Variants in AKT2 observed in about 807,000 individuals in gnomAD.
AKT2 encodes the protein RAC-beta serine/threonine-protein kinase.
AKT2 carries 16 observed loss-of-function variants against 58.6 expected under a neutral mutation model. That is an observed-to-expected ratio of 0.27 (90% CI 0.18 to 0.41). The LOEUF (loss-of-function observed/expected upper bound fraction) is 0.41, where lower values mean the gene tolerates loss of function less well. Among genes scored for constraint, AKT2 ranks in the 10% least tolerant of loss-of-function variants. AKT2 has a pLI of 1.00. For synonymous variants in AKT2, 253 were observed against 254.0 expected (o/e 1.00, Z 0.04); for missense variants, 438 against 661.0 (o/e 0.66, Z 3.70).
At chr19:40,277,396 G>A (rs1341331858) in intron 1 of AKT2, among the ~76,000 whole-genome samples, 1 of 152,126 alleles carries the variant, frequency 6.6e-6, no homozygotes, top group Non-Finnish European at 1.5e-5. Flanking sequence ...GCTCTAGGGC[G>A]CCCTGTCTCC....
chr19:40,245,265 A>T (rs1974672860), intron 4 of AKT2, among the ~76,000 whole-genome samples: 1 of 152,176 alleles, frequency 6.6e-6, no homozygotes, highest in African/African-American at 2.4e-5. Flanking sequence ...AGGGATGGGC[A>T]AGGTAGCTCA....
At chr19:40,265,070 C>T (rs1976245635) in intron 2 of AKT2, 152 bp downstream of exon 2, 17 of 1,176,172 alleles carry the variant, frequency 1.4e-5, no homozygotes, top group South Asian at 6.7e-5. Context: ...AAGGAGTCCA[C>T]GAAATGGGGG....
intron 2 of AKT2, among the ~76,000 whole-genome samples, chr19:40,264,270 G>A (rs917974455): frequency 3.3e-5 from 5 of 152,116 alleles, no homozygotes; most frequent in African/African-American, 7.2e-5. Context: ...AGCAGGTGGC[G>A]CTTCTCCCCA....
chr19:40,236,824 G>A, intron 9 of AKT2: 1 of 266,966 alleles, frequency 3.7e-6, no homozygotes, highest in Non-Finnish European at 7.4e-6. Flanking sequence ...ATGAGTTTGA[G>A]ACCAGCCTGG....
chr19:40,269,736 TAGAACAC>T (rs1267051352), intron 1 of AKT2: 1 of 152,166 alleles, frequency 6.6e-6, no homozygotes, highest in Non-Finnish European at 1.5e-5. Flanking sequence ...AGATCCACAG[TAGAACAC>T]TACTCAGCAA....
At chr19:40,258,765 A>G (rs966798541) in intron 2 of AKT2, among the ~76,000 whole-genome samples, 1 of 152,194 alleles carries the variant, frequency 6.6e-6, no homozygotes, top group African/African-American at 2.4e-5. Flanking sequence ...AGAGATCTAC[A>G]TAAATGCAAA....
intron 3 of AKT2, 88 bp from the exon 4 acceptor site, chr19:40,255,357 C>G (rs1036768894): frequency 9.6e-7 from 1 of 1,045,716 alleles, no homozygotes; most frequent in African/African-American, 1.6e-5. Flanking sequence ...CTCCCACAGG[C>G]CTAGCCCCAT....
At chr19:40,246,434 T>C (rs1974757864) in intron 4 of AKT2, among the ~76,000 whole-genome samples, 2 of 152,146 alleles carry the variant, frequency 1.3e-5, no homozygotes, top group Non-Finnish European at 2.9e-5. Context: ...TTCCATGACA[T>C]GCTTTATCAG....
intron 3 of AKT2, among the ~76,000 whole-genome samples, chr19:40,256,330 T>C (rs576108948): frequency 4.6e-5 from 7 of 152,170 alleles, no homozygotes; most frequent in African/African-American, 1.7e-4. Context: ...CTCTGTAATG[T>C]TCTTAGCAGG....
Position 40,232,627 on chromosome 19 carries a change from C to T in AKT2, c.*1245G>A. On this transcript the variant is annotated 3_prime_UTR_variant, in exon 14 of 14. Coordinates refer to ENST00000392038, the MANE Select transcript of AKT2 (RefSeq NM_001626.6). ...CACAGTGGGGCTCCTCCCACTAGGT[C>T]AGCACCCCTCCCCCACAGGATGAAA... 1 of 233,326 alleles carries T rather than the reference C, an allele frequency of 4.3e-6. No homozygotes were observed. The highest frequency in any genetic ancestry group is 8.5e-6 in the Non-Finnish European group (1 of 118,152). 14.5% of individuals were successfully genotyped at this position (233,326 alleles called of 1,614,324 possible).
rs1975939169 is a variant in AKT2, at chr19:40,261,415, C to T, written c.46+3807G>A. ...AAGCATGGTGGCACACGCCTGTAAT[C>T]CCAGCTACTCAGGAGGCTGAAGCAG... On this transcript the variant is annotated intron_variant, in intron 2 of 13. Transcript: ENST00000392038. Among the ~76,000 whole-genome samples, 2 of 152,090 alleles carry T rather than the reference C, an allele frequency of 1.3e-5. 1 individual carries two copies. Among genetic ancestry groups the T allele is most frequent in the South Asian group, 4.1e-4 (2 of 4,824 alleles).
intron 9 of AKT2, 142 bp from the exon 10 acceptor site, chr19:40,236,527 C>A: frequency 8.9e-7 from 1 of 1,118,758 alleles, no homozygotes; most frequent in Non-Finnish European, 1.3e-6. Flanking sequence ...ACAGCCTCAC[C>A]CTCTGAGGCT....
chr19:40,271,406 G>A (rs1384058333), intron 1 of AKT2, among the ~76,000 whole-genome samples: 3 of 131,316 alleles, frequency 2.3e-5, no homozygotes, highest in Admixed American at 8.3e-5. Context: ...CAGCCTGGGT[G>A]ACAAAGCCAG....
chr19:40,267,016 A>G (rs993422361), intron 1 of AKT2, among the ~76,000 whole-genome samples: 1 of 151,814 alleles, frequency 6.6e-6, no homozygotes, highest in African/African-American at 2.4e-5. Flanking sequence ...CTGTGTGTCA[A>G]CCTCTAACGT....
In AKT2 at chr19:40,268,735, G is replaced by A. The variant is rs143505773; in HGVS notation, c.-84-3384C>T. On this transcript the variant is annotated intron_variant, in intron 1 of 13. Coordinates refer to ENST00000392038, the MANE Select transcript of AKT2 (RefSeq NM_001626.6). Reference sequence around the variant, plus strand: ...TTGGAAGATCCCCTGCGTCCCGCCTGGATCCTGCCCTGTCCTCCCACTGAG... The same window carrying A: ...TTGGAAGATCCCCTGCGTCCCGCCTAGATCCTGCCCTGTCCTCCCACTGAG... 489 of 152,526 alleles carry A rather than the reference G, an allele frequency of 3.2e-3. 1 individual carries two copies. The highest frequency in any genetic ancestry group is 5.6e-3 in the Non-Finnish European group (381 of 68,118). The allele number at this position is 152,526 out of a possible 1,614,324, so 9.4% of individuals were successfully genotyped here.
Position 40,285,312 on chromosome 19 carries a change from C to T in AKT2, c.-216G>A, listed in dbSNP as rs1448432117. Reference sequence around the variant, plus strand: ...GGCAGCGGCAGCGGCGGCGGCGACGCCTCCTCCGAGGCAGGCCCAACGGCT... The same window carrying T: ...GGCAGCGGCAGCGGCGGCGGCGACGTCTCCTCCGAGGCAGGCCCAACGGCT... On this transcript the variant is annotated 5_prime_UTR_variant, in exon 1 of 14. Coordinates refer to ENST00000392038, the MANE Select transcript of AKT2 (RefSeq NM_001626.6). 1.5e-5 allele frequency: 6 copies of T among 394,796 alleles called. No homozygotes were observed. In the Admixed American group the frequency reaches 1.8e-4, roughly 12 times the overall value. The allele number at this position is 394,796 out of a possible 1,614,324, so 24.5% of individuals were successfully genotyped here.
intron 6 of AKT2, chr19:40,240,402 G>C (rs1050779683): frequency 4.2e-5 from 26 of 621,686 alleles, no homozygotes; most frequent in Non-Finnish European, 7.4e-5. Context: ...GAGACAAACA[G>C]ACATCACGAG....
At chr19:40,284,180 A>G (rs1213463320) in intron 1 of AKT2, among the ~76,000 whole-genome samples, 1 of 152,042 alleles carries the variant, frequency 6.6e-6, no homozygotes. Flanking sequence ...CAATCCCAAG[A>G]TCAAGATGCC....
chr19:40,230,324 G>T lies in AKT2; in HGVS notation c.*3548C>A. The T allele has an allele frequency of 4.8e-6, 1 of 210,198 alleles. No individual in the cohort carries two copies. Among genetic ancestry groups the T allele is most frequent in the Non-Finnish European group, 9.7e-6 (1 of 103,544 alleles). The allele number at this position is 210,198 out of a possible 1,614,324, so 13.0% of individuals were successfully genotyped here. A position where few individuals can be genotyped will look rare whatever the true frequency, so the allele number is the denominator to read the frequency against. The stretch of plus-strand genomic sequence containing the variant: ...ACAAAAGCACCAGCACAGTACAGAT[G>T]GATAGCTAGTTTATTACAGGACTGC... On this transcript the variant is annotated 3_prime_UTR_variant, in exon 14 of 14. Transcript: ENST00000392038.
Sources: gnomAD v4.1 joint callset for allele counts (sites outside exome capture counted in the v4.1 genomes callset) on GRCh38, gnomAD v4.1.1 for gene constraint, MANE v1.5 for transcripts, NCBI Gene and HGNC (gene_info 2026-07-23, HGNC 2026-07-21) for gene names.